STK32B: variants seen among roughly 807,000 people sequenced by gnomAD.
The protein encoded by STK32B is serine/threonine-protein kinase 32B.
In STK32B, 43 loss-of-function variants were observed where a neutral mutation model predicts 52.6. The ratio of observed to expected loss-of-function variants is 0.82; its 90% CI spans 0.64 to 1.05. The LOEUF (loss-of-function observed/expected upper bound fraction) is 1.05, where lower values mean the gene tolerates loss of function less well. STK32B is among the 50% of genes least tolerant of loss of function. The probability of loss-of-function intolerance (pLI) is 0.00; values close to 1 mark genes in which losing one functional copy is unlikely to be tolerated. For synonymous variants in STK32B, 238 were observed against 204.3 expected (o/e 1.17, Z -1.41); for missense variants, 621 against 534.6 (o/e 1.16, Z -1.59).
intron 4 of STK32B, among the ~76,000 whole-genome samples, chr4:5,374,503 A>G (rs1560362995): frequency 6.6e-6 from 1 of 152,332 alleles, no homozygotes; most frequent in African/African-American, 2.4e-5. Context: ...AGACTGGTTC[A>G]TTGATAAACA....
chr4:5,079,993 G>C (rs1712316336), intron 1 of STK32B, among the ~76,000 whole-genome samples: 1 of 152,076 alleles, frequency 6.6e-6, no homozygotes, highest in African/African-American at 2.4e-5. Context: ...TTGGCTAAAG[G>C]GTACAGACTT....
chr4:5,496,288 G>C (rs909501898), intron 11 of STK32B, among the ~76,000 whole-genome samples: 1 of 152,182 alleles, frequency 6.6e-6, no homozygotes, highest in Non-Finnish European at 1.5e-5. Context: ...AATGGCGGGC[G>C]CCCCTCCACC....
At chr4:5,201,979 C>T (rs561235080) in intron 3 of STK32B, among the ~76,000 whole-genome samples, 5 of 152,276 alleles carry the variant, frequency 3.3e-5, no homozygotes, top group African/African-American at 4.8e-5. Context: ...AACACAATCA[C>T]GCCTTCCCAA....
chr4:5,312,262 T>A (rs1730342423), intron 3 of STK32B, among the ~76,000 whole-genome samples: 1 of 150,862 alleles, frequency 6.6e-6, no homozygotes, highest in Non-Finnish European at 1.5e-5. Context: ...GTTTAGTTTT[T>A]TTTTTATTTT....
intron 1 of STK32B, among the ~76,000 whole-genome samples, chr4:5,085,308 AT>A (rs1397343332): frequency 6.6e-6 from 1 of 152,246 alleles, no homozygotes; most frequent in Non-Finnish European, 1.5e-5. Flanking sequence ...CTGACCCACA[AT>A]TATCTACTGT....
At chr4:5,335,237 T>A (rs1188600102) in intron 4 of STK32B, among the ~76,000 whole-genome samples, 1 of 152,244 alleles carries the variant, frequency 6.6e-6, no homozygotes, top group Non-Finnish European at 1.5e-5. Context: ...TTTATCCATT[T>A]CTTCTAGATT....
At chr4:5,165,338 C>A (rs1718784762) in intron 2 of STK32B, among the ~76,000 whole-genome samples, 1 of 152,178 alleles carries the variant, frequency 6.6e-6, no homozygotes, top group Non-Finnish European at 1.5e-5. Context: ...ATCATGAGTT[C>A]TCCTTTGAAA....
At chr4:5,480,326 G>A (rs1455910444) in intron 11 of STK32B, among the ~76,000 whole-genome samples, 3 of 152,156 alleles carry the variant, frequency 2.0e-5, no homozygotes, top group African/African-American at 7.2e-5. Flanking sequence ...GAACATATAT[G>A]TGCCCAAGGT....
At chr4:5,328,771 A>G (rs1732037524) in intron 3 of STK32B, among the ~76,000 whole-genome samples, 1 of 152,176 alleles carries the variant, frequency 6.6e-6, no homozygotes, top group Non-Finnish European at 1.5e-5. Flanking sequence ...GGTTGCCGCA[A>G]ACCTTCAATT....
At chr4:5,065,468 A>G (rs1742382779) in intron 1 of STK32B, among the ~76,000 whole-genome samples, 1 of 152,168 alleles carries the variant, frequency 6.6e-6, no homozygotes, top group African/African-American at 2.4e-5. Flanking sequence ...TGCCACTTAG[A>G]TGAGGGCTAC....
At chr4:5,349,226 G>A (rs1263798704) in intron 4 of STK32B, among the ~76,000 whole-genome samples, 2 of 152,044 alleles carry the variant, frequency 1.3e-5, no homozygotes, top group Non-Finnish European at 2.9e-5. Context: ...CCACCCTGGG[G>A]CCCAAGGACA....
intron 5 of STK32B, among the ~76,000 whole-genome samples, chr4:5,409,875 G>GA (rs965044273): frequency 2.0e-5 from 3 of 151,868 alleles, no homozygotes; most frequent in Non-Finnish European, 2.9e-5. Context: ...AAATGGAACA[G>GA]AAAAAAAATC....
At chr4:5,371,735 G>A (rs1180202140) in intron 4 of STK32B, among the ~76,000 whole-genome samples, 1 of 152,226 alleles carries the variant, frequency 6.6e-6, no homozygotes, top group African/African-American at 2.4e-5. Flanking sequence ...ACTGCAACAA[G>A]AAAGCAGCCG....
chr4:5,493,268 G>C (rs1232890852), intron 11 of STK32B, among the ~76,000 whole-genome samples: 1 of 152,108 alleles, frequency 6.6e-6, no homozygotes, highest in Non-Finnish European at 1.5e-5. Context: ...CCTGTTATTG[G>C]TCTATTCAGA....
intron 1 of STK32B, among the ~76,000 whole-genome samples, chr4:5,084,516 A>C (rs1306723624): frequency 6.6e-6 from 1 of 152,230 alleles, no homozygotes; most frequent in East Asian, 1.9e-4. Flanking sequence ...TTATAATAAA[A>C]ATATTTATGG....
In STK32B at chr4:5,500,648, G is replaced by C. The variant is rs1280964747; in HGVS notation, c.*1565G>C. ...AAAAGACATTTTAATGTATGGTTAGGTTTTATATTTTTATTTTTTAAAAAA... is the reference window on the plus strand; with the variant it reads ...AAAAGACATTTTAATGTATGGTTAGCTTTTATATTTTTATTTTTTAAAAAA... On this transcript the variant is annotated 3_prime_UTR_variant, in exon 12 of 12. Coordinates refer to ENST00000282908, the MANE Select transcript of STK32B (RefSeq NM_018401.3). 1 of 152,064 alleles carries C rather than the reference G, an allele frequency of 6.6e-6. No homozygotes were observed. The highest frequency in any genetic ancestry group is 1.5e-5 in the Non-Finnish European group (1 of 68,014). The allele number at this position is 152,064 out of a possible 1,614,324, so 9.4% of individuals were successfully genotyped here.
intron 3 of STK32B, among the ~76,000 whole-genome samples, chr4:5,247,592 T>C (rs1299883226): frequency 6.6e-6 from 1 of 152,190 alleles, no homozygotes; most frequent in Non-Finnish European, 1.5e-5. Context: ...GCACCCACTG[T>C]CCGGCGCTTC....
intron 2 of STK32B, 128 bp downstream of exon 2, chr4:5,140,088 G>A (rs1247619761): frequency 2.1e-6 from 3 of 1,457,214 alleles, no homozygotes; most frequent in Middle Eastern, 1.8e-4. Context: ...AACTTGAAAT[G>A]TGAAAGGAAG....
At chr4:5,393,126 G>A (rs1013675271) in intron 4 of STK32B, among the ~76,000 whole-genome samples, 15 of 152,180 alleles carry the variant, frequency 9.9e-5, no homozygotes, top group Admixed American at 5.2e-4. Flanking sequence ...AGTTGGCTAA[G>A]GCATAGGTCA....
Sources: allele counts gnomAD v4.1 joint callset (sites outside exome capture counted in the v4.1 genomes callset), GRCh38; gene constraint gnomAD v4.1.1; transcripts MANE v1.5; gene names NCBI Gene and HGNC (gene_info 2026-07-23, HGNC 2026-07-21).